Variants in PLXDC1 observed in about 807,000 individuals in gnomAD.
The protein encoded by PLXDC1 is plexin domain-containing protein 1.
Under a neutral mutation model 61.3 loss-of-function variants are expected in PLXDC1, and 39 were observed. The ratio of observed to expected loss-of-function variants is 0.64; its 90% CI spans 0.49 to 0.83. PLXDC1 has a LOEUF of 0.83. Ranked by LOEUF, PLXDC1 falls within the 40% of genes least tolerant of loss-of-function variation. The pLI, the probability that PLXDC1 is intolerant of heterozygous loss-of-function variation, is 0.00. For synonymous variants in PLXDC1, 212 were observed against 254.5 expected, an observed-to-expected ratio of 0.83 and a Z score of 1.59; for missense variants, 596 against 666.5, an observed-to-expected ratio of 0.89 and a Z score of 1.17.
At chr17:39,108,771 A>C (rs1337624216) in intron 4 of PLXDC1, 133 bp downstream of exon 4, 66 of 659,934 alleles carry the variant, frequency 1.0e-4, no homozygotes, top group Non-Finnish European at 1.6e-5. Flanking sequence ...TGAGAATCAG[A>C]CTCCTATTAG....
intron 2 of PLXDC1, among the ~76,000 whole-genome samples, chr17:39,131,353 T>C (rs1911554725): frequency 7.5e-6 from 1 of 132,944 alleles, no homozygotes; most frequent in East Asian, 2.3e-4. Flanking sequence ...TCTCTCTTTT[T>C]CTTTTCTTTT....
chr17:39,121,305 G>A (rs960892388), intron 2 of PLXDC1, among the ~76,000 whole-genome samples: 6 of 151,992 alleles, frequency 3.9e-5, no homozygotes, highest in South Asian at 4.2e-4. Flanking sequence ...TGACTTTGCC[G>A]GTAACTTCTG....
intron 12 of PLXDC1, 65 bp downstream of exon 12, chr17:39,072,385 C>CCT (rs928227290): frequency 1.8e-6 from 2 of 1,133,418 alleles, no homozygotes; most frequent in African/African-American, 3.1e-5. Flanking sequence ...ACTGCTGCAC[C>CCT]CTCTTCTGGG....
chr17:39,099,262 C>CT (rs1567760460), intron 7 of PLXDC1, among the ~76,000 whole-genome samples: 1 of 152,064 alleles, frequency 6.6e-6, no homozygotes. Flanking sequence ...CTGGTTTGCT[C>CT]TAAAGGGGCT....
At position 39,070,121 on chromosome 17, in the gene PLXDC1, G is replaced by C. The variant is rs893118740; in HGVS notation, c.1223-105C>G. 106 of 783,998 alleles carry C rather than the reference G, an allele frequency of 1.4e-4. No individual in the cohort carries two copies. The African/African-American group carries it at 1.5e-3, about 11-fold the overall frequency. The allele number at this position is 783,998 out of a possible 1,614,324, so 48.6% of individuals were successfully genotyped here. A position where few individuals can be genotyped will look rare whatever the true frequency, so the allele number is the denominator to read the frequency against. On this transcript the variant is annotated intron_variant, in intron 12 of 13. Coordinates refer to ENST00000315392, the MANE Select transcript of PLXDC1 (RefSeq NM_020405.5). ...AGTCTCAGAGATGAAAGCCGACAGA[G>C]CCTTTGGGTCCACTTATCCAATACA...
intron 7 of PLXDC1, among the ~76,000 whole-genome samples, chr17:39,093,573 A>G (rs943961175): frequency 1.3e-5 from 2 of 151,920 alleles, no homozygotes; most frequent in Non-Finnish European, 2.9e-5. Context: ...AAAATTAGCC[A>G]GGCATGGTGG....
At chr17:39,111,486 T>C (rs1404622674) in intron 2 of PLXDC1, among the ~76,000 whole-genome samples, 2 of 152,126 alleles carry the variant, frequency 1.3e-5, no homozygotes, top group African/African-American at 2.4e-5. Context: ...GGTTTTACCA[T>C]GTTGGCCAGG....
chr17:39,128,595 G>C (rs759796127), intron 2 of PLXDC1, among the ~76,000 whole-genome samples: 1 of 152,108 alleles, frequency 6.6e-6, no homozygotes, highest in African/African-American at 2.4e-5. Flanking sequence ...ATACATTGCT[G>C]GTGGGAATGT....
rs146903240 is a variant in PLXDC1 at position 39,100,245 on chromosome 17, T to C, written c.811+5609A>G. The stretch of plus-strand genomic sequence containing the variant: ...GTGACCCTGGCTAACACTTTTTTTC[T>C]TTTTTTTGAGACAGAGTTTCACTCT... On this transcript the variant is annotated intron_variant, in intron 7 of 13. Coordinates refer to ENST00000315392, the MANE Select transcript of PLXDC1 (RefSeq NM_020405.5). Among the ~76,000 whole-genome samples, 530 of 152,086 alleles carry C rather than the reference T, an allele frequency of 3.5e-3. 3 individuals carry two copies. Among genetic ancestry groups the C allele is most frequent in the African/African-American group, 0.012 (486 of 41,460 alleles).
chr17:39,082,658 T>C (rs1255016373), intron 9 of PLXDC1, among the ~76,000 whole-genome samples: 1 of 152,058 alleles, frequency 6.6e-6, no homozygotes, highest in South Asian at 2.1e-4. Context: ...TTTTCAAGAT[T>C]GCCTTAAAAG....
chr17:39,125,579 A>T (rs1911289505), intron 2 of PLXDC1, among the ~76,000 whole-genome samples: 1 of 152,168 alleles, frequency 6.6e-6, no homozygotes, highest in African/African-American at 2.4e-5. Flanking sequence ...AAACAAAAAC[A>T]GGCCTTCCCC....
At chr17:39,075,886 T>C (rs1282344161) in intron 11 of PLXDC1, among the ~76,000 whole-genome samples, 1 of 152,156 alleles carries the variant, frequency 6.6e-6, no homozygotes, top group African/African-American at 2.4e-5. Context: ...AAGACCAGCC[T>C]GGCCAACATG....
At chr17:39,134,988 G>T (rs906709476) in intron 2 of PLXDC1, among the ~76,000 whole-genome samples, 1 of 152,166 alleles carries the variant, frequency 6.6e-6, no homozygotes, top group East Asian at 1.9e-4. Context: ...AAGAAGTGGG[G>T]ATCCCCAAAT....
chr17:39,143,547 G>T (rs560770548), intron 1 of PLXDC1, among the ~76,000 whole-genome samples: 3 of 152,384 alleles, frequency 2.0e-5, no homozygotes, highest in South Asian at 2.1e-4. Context: ...CAGTGCATAG[G>T]GTAGCTCCTG....
At chr17:39,128,113 A>ATATATATATATATATATATC (rs1597655710) in intron 2 of PLXDC1, among the ~76,000 whole-genome samples, 1 of 95,720 alleles carries the variant, frequency 1.0e-5, no homozygotes, top group Non-Finnish European at 2.1e-5. Context: ...ATATATATAT[A>ATATATATATATATATATATC]TGTATATATA....
At chr17:39,069,333 T>C (rs1202270294) in intron 13 of PLXDC1, among the ~76,000 whole-genome samples, 1 of 152,190 alleles carries the variant, frequency 6.6e-6, no homozygotes, top group Admixed American at 6.5e-5. Flanking sequence ...CTCAAACTCC[T>C]GTGCTCAAGT....
intron 9 of PLXDC1, chr17:39,079,388 G>A (rs1243548895): frequency 6.8e-6 from 4 of 592,334 alleles, no homozygotes; most frequent in African/African-American, 1.8e-5. Context: ...GGCCACATCT[G>A]CCCATGTGAG....
intron 2 of PLXDC1, among the ~76,000 whole-genome samples, chr17:39,136,082 G>A (rs755922211): frequency 2.0e-5 from 3 of 152,230 alleles, no homozygotes; most frequent in Admixed American, 6.5e-5. Flanking sequence ...AAAGCTGTGG[G>A]GTCAGGGATG....
At chr17:39,106,028 A>G (rs759979424) in intron 6 of PLXDC1, 75 bp from the exon 7 acceptor site, 14 of 931,894 alleles carry the variant, frequency 1.5e-5, no homozygotes, top group Non-Finnish European at 2.3e-5. Context: ...TGTGAGCTCC[A>G]GACCCATCTT....
Sources: gnomAD v4.1 joint callset for allele counts (sites outside exome capture counted in the v4.1 genomes callset) on GRCh38, gnomAD v4.1.1 for gene constraint, MANE v1.5 for transcripts, NCBI Gene and HGNC (gene_info 2026-07-23, HGNC 2026-07-21) for gene names.